Variants in RPS6KA2 observed in about 807,000 individuals in gnomAD.
The protein encoded by RPS6KA2 is ribosomal protein S6 kinase A2.
A neutral mutation model predicts 91.8 loss-of-function variants in RPS6KA2; 42 were observed. That is an observed-to-expected ratio of 0.46 (90% CI 0.36 to 0.59). The LOEUF (loss-of-function observed/expected upper bound fraction) is 0.59. Among genes scored for constraint, RPS6KA2 ranks in the 20% least tolerant of loss-of-function variants. The pLI is 0.00. For missense variants in RPS6KA2, 798 were observed against 978.5 expected, an observed-to-expected ratio of 0.82 and a Z score of 2.46; for synonymous variants, 414 against 393.6, an observed-to-expected ratio of 1.05 and a Z score of -0.61.
chr6:166,520,217 C>A (rs1209047074), intron 3 of RPS6KA2, among the ~76,000 whole-genome samples: 1 of 152,172 alleles, frequency 6.6e-6, no homozygotes. Flanking sequence ...AAACTTATAC[C>A]ACCAGCTCTC....
chr6:166,633,064 A>G (rs1787133512), intron 2 of RPS6KA2, among the ~76,000 whole-genome samples: 1 of 152,248 alleles, frequency 6.6e-6, no homozygotes, highest in South Asian at 2.1e-4. Context: ...ACTAAAAAAT[A>G]CAAAAATTAG....
chr6:166,605,012 C>T (rs564302944), intron 1 of RPS6KA2, among the ~76,000 whole-genome samples: 2 of 152,036 alleles, frequency 1.3e-5, no homozygotes, highest in African/African-American at 4.8e-5. Context: ...ATGCTTCCCA[C>T]AGCTGGCCCC....
intron 2 of RPS6KA2, among the ~76,000 whole-genome samples, chr6:166,761,741 C>A (rs1778175639): frequency 6.6e-6 from 1 of 152,212 alleles, no homozygotes; most frequent in Non-Finnish European, 1.5e-5. Context: ...TTGAAGACAT[C>A]ACTGGGAGTG....
intron 1 of RPS6KA2, among the ~76,000 whole-genome samples, chr6:166,572,446 G>C (rs1784716886): frequency 6.6e-6 from 1 of 152,250 alleles, no homozygotes; most frequent in Non-Finnish European, 1.5e-5. Flanking sequence ...GCTAAGCCAA[G>C]GGATGTTTAC....
intron 2 of RPS6KA2, among the ~76,000 whole-genome samples, chr6:166,776,786 C>T (rs955733405): frequency 3.3e-5 from 5 of 152,226 alleles, no homozygotes; most frequent in African/African-American, 1.2e-4. Context: ...TTTGTTTACA[C>T]CACAGTTTGT....
intron 2 of RPS6KA2, among the ~76,000 whole-genome samples, chr6:166,846,067 G>T (rs1180844236): frequency 6.6e-6 from 1 of 151,962 alleles, no homozygotes; most frequent in African/African-American, 2.4e-5. Context: ...ATTTTTCAAG[G>T]CTACTATGAA....
intron 11 of RPS6KA2, among the ~76,000 whole-genome samples, chr6:166,461,868 C>G (rs1389850896): frequency 1.3e-5 from 2 of 152,210 alleles, no homozygotes; most frequent in Admixed American, 1.3e-4. Context: ...TGCCCCTGCC[C>G]CACCACAGCC....
intron 10 of RPS6KA2, among the ~76,000 whole-genome samples, chr6:166,476,058 G>A (rs866466248): frequency 3.9e-5 from 6 of 152,174 alleles, no homozygotes; most frequent in African/African-American, 1.4e-4. Flanking sequence ...GGTATAATGA[G>A]TCCGGCATCA....
rs1099655 is a variant in RPS6KA2 at position 166,825,567 on chromosome 6, T to G, written c.123+32633A>C. On this transcript the variant is annotated intron_variant, in intron 2 of 21. Coordinates refer to the RPS6KA2 transcript ENST00000503859. This position sits in a 1 kb window ranked among gnomAD's most constrained non-coding sequence, Gnocchi z 4.1. ...CTACTTACCCTAGACTGGGTGGCTTTTAAACAACAGAAATGTAGTGGTCCC... is the reference window on the plus strand; with the variant it reads ...CTACTTACCCTAGACTGGGTGGCTTGTAAACAACAGAAATGTAGTGGTCCC... Among the ~76,000 whole-genome samples the G allele has an allele frequency of 0.77, 117,814 of 152,094 alleles. 46,449 individuals are homozygous for G. Among genetic ancestry groups the G allele is most frequent in the East Asian group, 0.98 (5,061 of 5,180 alleles).
Position 166,627,125 on chromosome 6 carries a change from C to T in RPS6KA2, c.-106G>A. On this transcript the variant is annotated 5_prime_UTR_variant, in exon 1 of 21. Transcript: ENST00000265678. ...GGGCGGGCACGCGTGGCCAGGGAGC[C>T]CGGCACGGCGGCCATGGGCGCGGGG... The T allele has an allele frequency of 8.6e-7, 1 of 1,163,858 alleles. No homozygotes were observed. The highest frequency in any genetic ancestry group is 1.1e-6 in the Non-Finnish European group (1 of 943,552). 72.1% of individuals were successfully genotyped at this position (1,163,858 alleles called of 1,614,324 possible).
rs1253262972 is a variant in RPS6KA2, at chr6:166,563,281, G to A, written c.100-24497C>T. On this transcript the variant is annotated intron_variant, in intron 1 of 20. Transcript: ENST00000265678. This position sits in a 1 kb window ranked among gnomAD's most constrained non-coding sequence, Gnocchi z 4.1. The stretch of plus-strand genomic sequence containing the variant: ...GGTGGGATGGGGTGGAGCTGGGAGA[G>A]GCCCCAGCGGGAAGCACTCGGAGGA... 1.3e-5 allele frequency among the ~76,000 whole-genome samples: 2 copies of A among 152,194 alleles called. No individual in the cohort carries two copies. Among genetic ancestry groups the A allele is most frequent in the Admixed American group, 6.5e-5 (1 of 15,278 alleles).
intron 2 of RPS6KA2, among the ~76,000 whole-genome samples, chr6:166,672,912 C>T (rs111861106): frequency 2.9e-4 from 44 of 152,312 alleles, no homozygotes; most frequent in Non-Finnish European, 5.1e-4. Flanking sequence ...GGAGGCTCCG[C>T]ACTCTTCCGC....
chr6:166,617,901 C>T (rs965153854), intron 1 of RPS6KA2, among the ~76,000 whole-genome samples: 3 of 152,198 alleles, frequency 2.0e-5, no homozygotes, highest in Non-Finnish European at 4.4e-5. Flanking sequence ...GCATTTTTAG[C>T]GGCACAGACC....
intron 2 of RPS6KA2, among the ~76,000 whole-genome samples, chr6:166,855,453 AG>A (rs1780869658): frequency 3.0e-5 from 1 of 33,442 alleles, no homozygotes; most frequent in Non-Finnish European, 1.9e-4. Flanking sequence ...AAGAAGAGGA[AG>A]AAGAAGAGGA....
intron 2 of RPS6KA2, among the ~76,000 whole-genome samples, chr6:166,678,713 A>C (rs533561255): frequency 6.6e-6 from 1 of 152,310 alleles, no homozygotes; most frequent in Non-Finnish European, 1.5e-5. Context: ...CCAGGTGGTG[A>C]CCTTTGTCCA....
chr6:166,485,717 A>T (rs1044054996), intron 10 of RPS6KA2, among the ~76,000 whole-genome samples: 5 of 150,422 alleles, frequency 3.3e-5, no homozygotes, highest in Non-Finnish European at 6.0e-5. Flanking sequence ...ACGCACGGTG[A>T]TGAACGGGGG....
intron 1 of RPS6KA2, among the ~76,000 whole-genome samples, chr6:166,551,468 C>T (rs1203227154): frequency 5.9e-5 from 9 of 152,212 alleles, no homozygotes; most frequent in East Asian, 1.9e-4. Flanking sequence ...ACGATTCTTA[C>T]GAATGGAAGC....
At chr6:166,532,283 G>T (rs1783307574) in intron 2 of RPS6KA2, among the ~76,000 whole-genome samples, 1 of 152,254 alleles carries the variant, frequency 6.6e-6, no homozygotes, top group Non-Finnish European at 1.5e-5. Flanking sequence ...TGGGCAGAGG[G>T]ACATGGCTGG....
intron 1 of RPS6KA2, among the ~76,000 whole-genome samples, chr6:166,614,662 C>T (rs540794668): frequency 4.5e-4 from 68 of 152,186 alleles, no homozygotes; most frequent in Admixed American, 1.2e-3. Context: ...ATCGGAAGTT[C>T]GGGATCCATT....
Sources: gnomAD v4.1 joint callset for allele counts (sites outside exome capture counted in the v4.1 genomes callset) on GRCh38, gnomAD v4.1.1 for gene constraint, Gnocchi (gnomAD v3.1) non-coding constraint, MANE v1.5 for transcripts, NCBI Gene and HGNC (gene_info 2026-07-23, HGNC 2026-07-21) for gene names.